The following CACNB2 variants were observed in gnomAD, a reference collection of about 807,000 sequenced individuals.
CACNB2 encodes voltage-dependent L-type calcium channel subunit beta-2.
A neutral mutation model predicts 73.3 loss-of-function variants in CACNB2; 42 were observed. The observed-to-expected ratio is 0.57, with a 90% CI of 0.45 to 0.74. CACNB2 has a LOEUF of 0.74. Ranked by LOEUF, CACNB2 falls within the 30% of genes least tolerant of loss-of-function variation. The pLI is 0.00. For synonymous variants in CACNB2, 348 were observed against 310.3 expected, an observed-to-expected ratio of 1.12 and a Z score of -1.28; for missense variants, 940 against 853.0, an observed-to-expected ratio of 1.10 and a Z score of -1.27.
At chr10:18,503,596 CA>C (rs1412598846) in intron 5 of CACNB2, among the ~76,000 whole-genome samples, 1 of 151,666 alleles carries the variant, frequency 6.6e-6, no homozygotes, top group Non-Finnish European at 1.5e-5. Flanking sequence ...AAAAAACAAA[CA>C]AAAAAAAGAA....
chr10:18,366,139 C>A (rs989796247), intron 2 of CACNB2, among the ~76,000 whole-genome samples: 7 of 152,174 alleles, frequency 4.6e-5, no homozygotes, highest in African/African-American at 7.2e-5. Context: ...CTTTCCACAT[C>A]TAGGTCTGGG....
chr10:18,389,148 G>A (rs2043356881), intron 2 of CACNB2, among the ~76,000 whole-genome samples: 1 of 151,980 alleles, frequency 6.6e-6, no homozygotes, highest in Admixed American at 6.6e-5. Context: ...TACTGTTTTT[G>A]TTTTTTTGAG....
intron 2 of CACNB2, among the ~76,000 whole-genome samples, chr10:18,294,546 G>C (rs925916897): frequency 6.6e-6 from 1 of 152,200 alleles, no homozygotes; most frequent in African/African-American, 2.4e-5. Context: ...TACATAAGAT[G>C]GTGAATGAAA....
intron 10 of CACNB2, chr10:18,531,991 C>A (rs1299743302): frequency 6.6e-6 from 1 of 152,154 alleles, no homozygotes; most frequent in Non-Finnish European, 1.5e-5. Context: ...CTTTCAGTTT[C>A]AGAAACGAAC....
intron 3 of CACNB2, among the ~76,000 whole-genome samples, chr10:18,465,094 C>T (rs544180286): frequency 6.6e-6 from 1 of 152,286 alleles, no homozygotes; most frequent in East Asian, 1.9e-4. Context: ...CTTTGGGAGG[C>T]CGAGGCAGGC....
intron 2 of CACNB2, among the ~76,000 whole-genome samples, chr10:18,291,606 T>C (rs1004826279): frequency 2.6e-5 from 4 of 152,224 alleles, no homozygotes; most frequent in Non-Finnish European, 5.9e-5. Context: ...GATATCTGTG[T>C]CTGGCAAACC....
intron 3 of CACNB2, among the ~76,000 whole-genome samples, chr10:18,407,630 C>T (rs907036174): frequency 6.6e-6 from 1 of 152,000 alleles, no homozygotes; most frequent in African/African-American, 2.4e-5. Context: ...ATTTCTTCCC[C>T]TATATTGTCC....
At chr10:18,186,176 T>C (rs1392034372) in intron 2 of CACNB2, among the ~76,000 whole-genome samples, 1 of 152,028 alleles carries the variant, frequency 6.6e-6, no homozygotes, top group Non-Finnish European at 1.5e-5. Context: ...TCCCAGCACT[T>C]CGGGAGGTGA....
At chr10:18,500,150 A>AG (rs1213499831) in intron 4 of CACNB2, among the ~76,000 whole-genome samples, 1 of 152,200 alleles carries the variant, frequency 6.6e-6, no homozygotes, top group Non-Finnish European at 1.5e-5. Flanking sequence ...TGATGCTGAA[A>AG]GGGGGATCTT....
intron 2 of CACNB2, among the ~76,000 whole-genome samples, chr10:18,213,776 G>T (rs904591141): frequency 6.6e-6 from 1 of 152,196 alleles, no homozygotes; most frequent in Non-Finnish European, 1.5e-5. Context: ...ATGGCTAGAA[G>T]AGCCATCTCT....
chr10:18,192,774 C>T (rs555672283), intron 2 of CACNB2, among the ~76,000 whole-genome samples: 18 of 152,176 alleles, frequency 1.2e-4, no homozygotes, highest in African/African-American at 1.7e-4. Context: ...TTTTATGTAG[C>T]GTAATTTTTT....
chr10:18,357,184 C>T (rs1662558002), intron 2 of CACNB2, among the ~76,000 whole-genome samples: 2 of 151,470 alleles, frequency 1.3e-5, no homozygotes, highest in South Asian at 4.2e-4. Flanking sequence ...ACCTCGTGAT[C>T]CGCCCGTCTC....
intron 2 of CACNB2, among the ~76,000 whole-genome samples, chr10:18,301,465 C>T (rs2039507048): frequency 6.6e-6 from 1 of 151,924 alleles, no homozygotes. Flanking sequence ...CATGGTGGCA[C>T]ATGCCTGCAG....
At chr10:18,441,754 C>T (rs1450542235) in intron 3 of CACNB2, among the ~76,000 whole-genome samples, 3 of 152,086 alleles carry the variant, frequency 2.0e-5, no homozygotes, top group African/African-American at 7.2e-5. Flanking sequence ...CCCACCTCAG[C>T]CTCCCAAGTA....
chr10:18,186,144 G>T (rs948278341), intron 2 of CACNB2, among the ~76,000 whole-genome samples: 4 of 152,160 alleles, frequency 2.6e-5, no homozygotes, highest in African/African-American at 9.7e-5. Flanking sequence ...CTGAGGCCAG[G>T]CATGGTAGCG....
chr10:18,427,416 C>G (rs989454925), intron 3 of CACNB2, among the ~76,000 whole-genome samples: 1 of 151,922 alleles, frequency 6.6e-6, no homozygotes, highest in Non-Finnish European at 1.5e-5. Flanking sequence ...TATGTATAAT[C>G]ATGAGGGAAA....
At chr10:18,232,659 G>T (rs767774548) in intron 2 of CACNB2, among the ~76,000 whole-genome samples, 2 of 152,182 alleles carry the variant, frequency 1.3e-5, no homozygotes, top group African/African-American at 2.4e-5. Context: ...TATGTCAGCT[G>T]TGCGTAAAAT....
Position 18,220,518 on chromosome 10 carries a change from T to C in CACNB2, c.213+69543T>C, listed in dbSNP as rs148088051. 4.7e-3 allele frequency among the ~76,000 whole-genome samples: 714 copies of C among 151,868 alleles called. 9 individuals are homozygous for C. The East Asian group carries it at 0.061, about 13-fold the overall frequency. On this transcript the variant is annotated intron_variant, in intron 2 of 13. Transcript: ENST00000324631. ...CTCAAGTCATCTGCCTGCCTCAGTCTCCCAAAGTTCTGGGCTTACAGGTGT... is the reference window on the plus strand; with the variant it reads ...CTCAAGTCATCTGCCTGCCTCAGTCCCCCAAAGTTCTGGGCTTACAGGTGT...
At chr10:18,307,853 G>C (rs1419304730) in intron 2 of CACNB2, among the ~76,000 whole-genome samples, 1 of 151,832 alleles carries the variant, frequency 6.6e-6, no homozygotes, top group Non-Finnish European at 1.5e-5. Context: ...TCAAACATTT[G>C]CTTACCCTGC....
Sources: gnomAD v4.1 joint callset for allele counts (sites outside exome capture counted in the v4.1 genomes callset) on GRCh38, gnomAD v4.1.1 for gene constraint, MANE v1.5 for transcripts, NCBI Gene and HGNC (gene_info 2026-07-23, HGNC 2026-07-21) for gene names.